ENTPD6: variants seen among roughly 807,000 people sequenced by gnomAD.
The protein encoded by ENTPD6 is CD39 antigen-like 2.
ENTPD6 carries 46 observed loss-of-function variants against 61.5 expected under a neutral mutation model. The ratio of observed to expected loss-of-function variants is 0.75; its 90% CI spans 0.59 to 0.96. ENTPD6 has a LOEUF of 0.96. ENTPD6 is among the 40% of genes least tolerant of loss of function. The pLI, the probability that ENTPD6 is intolerant of heterozygous loss-of-function variation, is 0.00. For missense variants in ENTPD6, 612 were observed against 629.0 expected, an observed-to-expected ratio of 0.97 and a Z score of 0.29; for synonymous variants, 252 against 255.5, an observed-to-expected ratio of 0.99 and a Z score of 0.13.
rs2092688803 is a variant in ENTPD6, at chr20:25,222,988, C to T, written c.1186+10C>T. ...GGTGTGGGCCTCATAGGTAAGGGGG[C>T]CCGGATGGGCTGAGCAGGAAGGTCG... On this transcript the variant is annotated intron_variant, in intron 12 of 14. Coordinates refer to ENST00000376652, the MANE Select transcript of ENTPD6 (RefSeq NM_001247.5). 3 of 1,611,296 alleles carry T rather than the reference C, an allele frequency of 1.9e-6. No homozygotes were observed. Among genetic ancestry groups the T allele is most frequent in the Middle Eastern group, 1.8e-4 (1 of 5,700 alleles).
intron 1 of ENTPD6, among the ~76,000 whole-genome samples, chr20:25,198,880 G>A (rs918512780): frequency 6.6e-6 from 1 of 152,104 alleles, no homozygotes; most frequent in Non-Finnish European, 1.5e-5. Context: ...TCCCACTGAT[G>A]TCCCGCTGGC....
chr20:25,201,071 A>G (rs1417145988), intron 1 of ENTPD6, among the ~76,000 whole-genome samples: 1 of 152,126 alleles, frequency 6.6e-6, no homozygotes, highest in Admixed American at 6.5e-5. Flanking sequence ...TTGACTCTTC[A>G]GTTGTTTAAG....
chr20:25,195,928 TC>T (rs112138283), intron 1 of ENTPD6, 61 bp downstream of exon 1: 77,577 of 1,196,272 alleles, frequency 0.065, 5,040 homozygotes, highest in African/African-American at 0.33. Flanking sequence ...TAGGCGGGCC[TC>T]CCCCACGCGG....
chr20:25,214,876 G>T lies in ENTPD6; in HGVS notation c.607G>T (p.Val203Leu). 6.5e-7 allele frequency: 1 copy of T among 1,549,506 alleles called. No homozygotes were observed. The highest frequency in any genetic ancestry group is 8.9e-7 in the Non-Finnish European group (1 of 1,121,310). The change falls in exon 6 of 15, where the codon GTA becomes TTA. Residue 203 changes from valine to leucine, a missense_variant. Coordinates refer to ENST00000376652, the MANE Select transcript of ENTPD6 (RefSeq NM_001247.5). ...CTCTCTTTACATTTAGGTGAAAAAA[G>T]TATTTAAAGCATCGCCTTTCCTTGT... is the stretch of plus-strand genomic sequence containing the variant. ...AQKLLQKVKKVFKASPFLVGD... is the reference protein window; with the variant it reads ...AQKLLQKVKKLFKASPFLVGD...
Position 25,227,454 on chromosome 20 carries a change from C to A in ENTPD6, c.*1857C>A, listed in dbSNP as rs1181332961. 6.6e-6 allele frequency among the ~76,000 whole-genome samples: 1 copy of A among 152,172 alleles called. No individual in the cohort carries two copies. The highest frequency in any genetic ancestry group is 2.4e-5 in the African/African-American group (1 of 41,426). ...AAAAGGCAAACAACTGGAAGTTTTC[C>A]AAAAGTGCACCAAATAAGTCATGGA... On this transcript the variant is annotated 3_prime_UTR_variant, in exon 15 of 15. Transcript: ENST00000376652.
chr20:25,207,933 G>A (rs1600549685), intron 3 of ENTPD6, among the ~76,000 whole-genome samples: 1 of 152,176 alleles, frequency 6.6e-6, no homozygotes, highest in African/African-American at 2.4e-5. Flanking sequence ...CGGGGTGGGC[G>A]GCTTCTCTTG....
At chr20:25,222,386 C>T (rs2123317081) in intron 11 of ENTPD6, 2 of 162,922 alleles carry the variant, frequency 1.2e-5, no homozygotes, top group South Asian at 3.3e-4. Context: ...CCTCCGGGGT[C>T]CTCTGTTCCT....
intron 12 of ENTPD6, chr20:25,223,818 T>C (rs776371291): frequency 3.0e-5 from 9 of 304,326 alleles, no homozygotes; most frequent in Non-Finnish European, 5.4e-5. Context: ...TAACTTAAAA[T>C]TTTACTCAAT....
At chr20:25,223,471 G>A (rs955225894) in intron 12 of ENTPD6, among the ~76,000 whole-genome samples, 1 of 152,222 alleles carries the variant, frequency 6.6e-6, no homozygotes, top group African/African-American at 2.4e-5. Context: ...GAACTCTGGA[G>A]GGGGTTGCAG....
At position 25,206,578 on chromosome 20, in the gene ENTPD6, C is replaced by G; in HGVS notation, c.42C>G (p.Ser14Arg). The G allele has an allele frequency of 6.2e-7, 1 of 1,612,752 alleles. No homozygotes were observed. Among genetic ancestry groups the G allele is most frequent in the Non-Finnish European group, 8.5e-7 (1 of 1,178,716 alleles). ...GIRYETSRKT[S>R]YIFQQPQHGP... ...GTTATGAAACTTCCAGAAAAACGAG[C>G]TACATTTTTCAGGTTTGTCTGGGGC... The change falls in exon 2 of 15, where the codon AGC becomes AGG. Residue 14 changes from serine (S) to arginine (R), a missense_variant. Physicochemically the swap from Ser to Arg is moderately radical, Grantham distance 110. Coordinates refer to ENST00000376652, the MANE Select transcript of ENTPD6 (RefSeq NM_001247.5).
In ENTPD6 at chr20:25,216,705, C is replaced by T; in HGVS notation, c.767C>T (p.Ser256Phe). Residue 256 changes from serine to phenylalanine, a missense_variant, in exon 8 of 15, where the codon TCC becomes TTC. Ser to Phe is a radical substitution (Grantham distance 155, BLOSUM62 -2). Coordinates refer to ENST00000376652, the MANE Select transcript of ENTPD6 (RefSeq NM_001247.5). ...SVGMLDLGGGSTQIAFLPRVE... is the reference protein window; with the variant it reads ...SVGMLDLGGGFTQIAFLPRVE... ...GGCATGCTGGACTTGGGCGGAGGATCCACTCAGATCGCCTTCCTGCCACGC... is the reference window on the plus strand; with the variant it reads ...GGCATGCTGGACTTGGGCGGAGGATTCACTCAGATCGCCTTCCTGCCACGC... 1 of 1,606,300 alleles carries T rather than the reference C, an allele frequency of 6.2e-7. No homozygotes were observed. The highest frequency in any genetic ancestry group is 8.5e-7 in the Non-Finnish European group (1 of 1,176,884).
chr20:25,220,589 C>G (rs2092595934), intron 10 of ENTPD6, among the ~76,000 whole-genome samples: 1 of 152,224 alleles, frequency 6.6e-6, no homozygotes, highest in African/African-American at 2.4e-5. Context: ...ATGGCCTCGC[C>G]CCAGCAGAGC....
intron 4 of ENTPD6, among the ~76,000 whole-genome samples, chr20:25,212,602 CAT>C (rs2092045654): frequency 6.6e-6 from 1 of 152,230 alleles, no homozygotes; most frequent in African/African-American, 2.4e-5. Context: ...CACCTCTAAT[CAT>C]AGCACTTTGG....
chr20:25,214,824 C>A, intron 5 of ENTPD6, 43 bp from the exon 6 acceptor site: 1 of 1,118,368 alleles, frequency 8.9e-7, no homozygotes, highest in South Asian at 1.2e-5. Context: ...TATATTCATT[C>A]ATTCATTCTA....
chr20:25,205,698 T>C (rs1465621582), intron 1 of ENTPD6, among the ~76,000 whole-genome samples: 1 of 151,970 alleles, frequency 6.6e-6, no homozygotes, highest in Non-Finnish European at 1.5e-5. Context: ...GGAAGGGTGG[T>C]TTTTCCTGTC....
Position 25,207,175 on chromosome 20 carries a change from G to T in ENTPD6, c.154G>T (p.Gly52Cys). ...GGCATACCCCCTGGGGCTGTGTGTGGGCGTGTTCATCTATGTTGCCTACAT... is the reference window on the plus strand; with the variant it reads ...GGCATACCCCCTGGGGCTGTGTGTGTGCGTGTTCATCTATGTTGCCTACAT... ...KVAYPLGLCV[G>C]VFIYVAYIKW... The change falls in exon 3 of 15, where the codon GGC becomes TGC. Residue 52 changes from glycine to cysteine, a missense_variant. By Grantham distance (159) the Gly-to-Cys change is radical. Transcript: ENST00000376652. 1.9e-6 allele frequency: 3 copies of T among 1,614,122 alleles called. No homozygotes were observed. The highest frequency in any genetic ancestry group is 2.7e-5 in the African/African-American group (2 of 75,028).
At chr20:25,223,005 G>A in intron 12 of ENTPD6, 27 bp downstream of exon 12, 2 of 1,599,830 alleles carry the variant, frequency 1.3e-6, no homozygotes, top group Non-Finnish European at 1.7e-6. Flanking sequence ...GGGCTGAGCA[G>A]GAAGGTCGGG....
intron 1 of ENTPD6, chr20:25,197,226 G>C: frequency 1.0e-6 from 1 of 985,422 alleles, no homozygotes; most frequent in Non-Finnish European, 1.2e-6. Flanking sequence ...ATTTCCAAGA[G>C]GTGACCTGCC....
In ENTPD6 at chr20:25,195,765, G is replaced by C; in HGVS notation, c.-118G>C. ...GGTCGTATCCCGCGGGTGGAGGCCG[G>C]GGTGGCGCCGGCCGGGGCGGGGGAG... On this transcript the variant is annotated 5_prime_UTR_variant, in exon 1 of 15. Transcript: ENST00000376652. 1 of 1,013,366 alleles carries C rather than the reference G, an allele frequency of 9.9e-7. No individual in the cohort carries two copies. Among genetic ancestry groups the C allele is most frequent in the Non-Finnish European group, 1.3e-6 (1 of 781,298 alleles). The allele number at this position is 1,013,366 out of a possible 1,614,324, so 62.8% of individuals were successfully genotyped here.
Sources: gnomAD v4.1 joint callset for allele counts (sites outside exome capture counted in the v4.1 genomes callset) on GRCh38, gnomAD v4.1.1 for gene constraint, MANE v1.5 for transcripts, NCBI Gene and HGNC (gene_info 2026-07-23, HGNC 2026-07-21) for gene names.